The following RYR2 variants were observed in gnomAD, a reference collection of about 807,000 sequenced individuals.
The protein encoded by RYR2 is ryanodine receptor 2.
Under a neutral mutation model 601.1 loss-of-function variants are expected in RYR2, and 227 were observed. The observed-to-expected ratio is 0.38, with a 90% CI of 0.34 to 0.42. RYR2 has a LOEUF of 0.42. Among genes scored for constraint, RYR2 ranks in the 10% least tolerant of loss-of-function variants. The pLI, the probability that RYR2 is intolerant of heterozygous loss-of-function variation, is 1.00. For synonymous variants in RYR2, 2,223 were observed against 2,175.1 expected, an observed-to-expected ratio of 1.02 and a Z score of -0.61; for missense variants, 4,646 against 6,156.5, an observed-to-expected ratio of 0.75 and a Z score of 8.21.
chr1:237,522,826 A>G (rs2805434), intron 24 of RYR2, among the ~76,000 whole-genome samples: 75,898 of 151,856 alleles, frequency 0.5, 19,178 homozygotes, highest in East Asian at 0.58. Flanking sequence ...ACCAATCCCT[A>G]CTGCTTAATC....
chr1:237,827,528 G>C (rs1291849059), intron 101 of RYR2, among the ~76,000 whole-genome samples: 1 of 151,708 alleles, frequency 6.6e-6, no homozygotes, highest in South Asian at 2.1e-4. Flanking sequence ...TACTTGGGAC[G>C]CTGAGGCAGG....
chr1:237,428,276 A>G (rs1341986517), intron 12 of RYR2, among the ~76,000 whole-genome samples: 1 of 152,234 alleles, frequency 6.6e-6, no homozygotes, highest in Non-Finnish European at 1.5e-5. Flanking sequence ...AATATAAATC[A>G]GTCTATTATA....
chr1:237,095,454 T>G (rs1667415672), intron 1 of RYR2, among the ~76,000 whole-genome samples: 1 of 152,230 alleles, frequency 6.6e-6, no homozygotes, highest in Admixed American at 6.5e-5. Context: ...ACTGGGATCG[T>G]GTCTGAAAGC....
At chr1:237,596,999 G>A (rs999077986) in intron 34 of RYR2, among the ~76,000 whole-genome samples, 10 of 152,308 alleles carry the variant, frequency 6.6e-5, no homozygotes, top group South Asian at 4.1e-4. Flanking sequence ...GAAGAAATGC[G>A]TAAGGCAGTG....
At chr1:237,153,443 A>G (rs1196214512) in intron 1 of RYR2, among the ~76,000 whole-genome samples, 1 of 152,110 alleles carries the variant, frequency 6.6e-6, no homozygotes, top group Non-Finnish European at 1.5e-5. Flanking sequence ...ATGGACCTTT[A>G]TTACCCATCA....
chr1:237,824,261 C>T lies in RYR2; in HGVS notation c.14591-4120C>T, dbSNP rs183623625. Among the ~76,000 whole-genome samples, 978 of 152,226 alleles carry T rather than the reference C, an allele frequency of 6.4e-3. 11 individuals are homozygous for T. The highest frequency in any genetic ancestry group is 0.02 in the Middle Eastern group (6 of 294). On this transcript the variant is annotated intron_variant, in intron 101 of 104. Coordinates refer to ENST00000366574, the MANE Select transcript of RYR2 (RefSeq NM_001035.3). ...TCAGGCCAATATCCCTGATGAACAT[C>T]GATGCGAAAATCCTCAATAAATTAC...
intron 1 of RYR2, among the ~76,000 whole-genome samples, chr1:237,236,052 C>T (rs952459161): frequency 7.9e-5 from 12 of 152,122 alleles, no homozygotes; most frequent in East Asian, 5.8e-4. Context: ...TTCCACAGTA[C>T]GCAATCGTCC....
chr1:237,806,258 C>A lies in RYR2; in HGVS notation c.14273C>A (p.Ser4758Tyr). The A allele has an allele frequency of 6.2e-7, 1 of 1,613,530 alleles. No homozygotes were observed. ...TTCAAGACATTAAGAACCATCTTGT[C>A]CTCAGTAACTCACAATGGCAAACAG... ...MGFKTLRTIL[S>Y]SVTHNGKQLV... Residue 4758 changes from serine to tyrosine, a missense_variant, in exon 99 of 105, where the codon TCC (serine) becomes TAC (tyrosine). Around this residue, in one of 17 missense-constraint regions of RYR2, gnomAD observed 8 missense variants for 45.1 expected, o/e 0.18. Transcript: ENST00000366574.
intron 1 of RYR2, among the ~76,000 whole-genome samples, chr1:237,210,599 C>A (rs1363558436): frequency 6.6e-6 from 1 of 152,130 alleles, no homozygotes; most frequent in Non-Finnish European, 1.5e-5. Flanking sequence ...ATATGCTGGT[C>A]CTATAACCCA....
intron 1 of RYR2, among the ~76,000 whole-genome samples, chr1:237,249,888 C>A (rs943732530): frequency 5.9e-5 from 9 of 152,154 alleles, no homozygotes; most frequent in African/African-American, 2.2e-4. Flanking sequence ...ACATGAGGCT[C>A]ATTCTTGCAG....
At chr1:237,552,797 G>A (rs1670533180) in intron 27 of RYR2, among the ~76,000 whole-genome samples, 1 of 151,794 alleles carries the variant, frequency 6.6e-6, no homozygotes, top group Non-Finnish European at 1.5e-5. Flanking sequence ...TGGATGATGT[G>A]GGTTGTTTCC....
intron 17 of RYR2, 134 bp from the exon 18 acceptor site, chr1:237,491,672 C>A: frequency 1.7e-6 from 1 of 579,890 alleles, no homozygotes. Context: ...TATCACAGTG[C>A]CTTGTAACAG....
intron 29 of RYR2, among the ~76,000 whole-genome samples, chr1:237,572,550 A>G (rs2618686): frequency 0.58 from 88,576 of 151,978 alleles, 28,462 homozygotes; most frequent in Non-Finnish European, 0.71. Context: ...TATTTCATAG[A>G]ATTTTTAAAA....
chr1:237,173,496 G>C (rs576246288), intron 1 of RYR2, among the ~76,000 whole-genome samples: 1 of 152,292 alleles, frequency 6.6e-6, no homozygotes, highest in African/African-American at 2.4e-5. Context: ...AAGGTCAGCT[G>C]TTTGTGATTG....
At chr1:237,727,311 A>C in intron 76 of RYR2, 112 bp downstream of exon 76, 1 of 458,638 alleles carries the variant, frequency 2.2e-6, no homozygotes, top group Non-Finnish European at 3.9e-6. Flanking sequence ...AAGGATGGAA[A>C]AGCTTTATTG....
In RYR2 at chr1:237,631,813, A is replaced by G. The variant is rs111252634; in HGVS notation, c.6555+272A>G. ...CGGCTAATTTTTTTGTGTTTTTAGT[A>G]GAGACGGGGTTTCACTGTGTTAGCC... On this transcript the variant is annotated intron_variant, in intron 42 of 104. Transcript: ENST00000366574. Among the ~76,000 whole-genome samples, 438 of 151,420 alleles carry G rather than the reference A, an allele frequency of 2.9e-3. 5 individuals carry two copies. Among genetic ancestry groups the G allele is most frequent in the African/African-American group, 0.01 (418 of 41,142 alleles).
chr1:237,421,824 ATGAAGCTTT>A (rs1404285270), intron 11 of RYR2, among the ~76,000 whole-genome samples: 20 of 152,122 alleles, frequency 1.3e-4, no homozygotes, highest in Non-Finnish European at 2.4e-4. Flanking sequence ...TTGTTGACAT[ATGAAGCTTT>A]ACAACATTCA....
At chr1:237,672,861 T>A (rs117671127) in intron 58 of RYR2, among the ~76,000 whole-genome samples, 1 of 152,206 alleles carries the variant, frequency 6.6e-6, no homozygotes, top group Non-Finnish European at 1.5e-5. Flanking sequence ...ATGGTTAGTA[T>A]TTGTTAGCTT....
Position 237,705,362 on chromosome 1 carries a change from C to T in RYR2, c.9580+19C>T, listed in dbSNP as rs752931485. On this transcript the variant is annotated intron_variant, in intron 67 of 104. Coordinates refer to ENST00000366574, the MANE Select transcript of RYR2 (RefSeq NM_001035.3). ...AGAGCAGGTAACACAGAAACATGTGCAGTGCTTTGAGATATGAAGCTAAAA... is the reference window on the plus strand; with the variant it reads ...AGAGCAGGTAACACAGAAACATGTGTAGTGCTTTGAGATATGAAGCTAAAA... 1.9e-6 allele frequency: 3 copies of T among 1,591,644 alleles called. No homozygotes were observed. Among genetic ancestry groups the T allele is most frequent in the Non-Finnish European group, 2.6e-6 (3 of 1,166,128 alleles).
Sources: allele counts gnomAD v4.1 joint callset (sites outside exome capture counted in the v4.1 genomes callset), GRCh38; gene constraint gnomAD v4.1.1; regional missense constraint gnomAD v4.1.1; transcripts MANE v1.5; gene names NCBI Gene and HGNC (gene_info 2026-07-23, HGNC 2026-07-21).